PWWP3B: variants seen among roughly 807,000 people sequenced by gnomAD.
PWWP3B encodes the protein PWWP domain containing 3B.
Under a neutral mutation model 15.7 loss-of-function variants are expected in PWWP3B, and 5 were observed. That is an observed-to-expected ratio of 0.32 (90% CI 0.17 to 0.67). The LOEUF (loss-of-function observed/expected upper bound fraction) is 0.67, where lower values mean the gene tolerates loss of function less well. Among genes scored for constraint, PWWP3B ranks in the 30% least tolerant of loss-of-function variants. The pLI, the probability that PWWP3B is intolerant of heterozygous loss-of-function variation, is 0.74. For missense variants in PWWP3B, 519 were observed against 493.1 expected (o/e 1.05, Z -0.50); for synonymous variants, 203 against 179.8 (o/e 1.13, Z -1.03).
At chrX:106,190,173 G>T (rs911033126) in intron 2 of PWWP3B, among the ~76,000 whole-genome samples, 3 of 111,425 alleles carry the variant, frequency 2.7e-5, no homozygotes, top group African/African-American at 9.8e-5. Flanking sequence ...GTGTAAAAGT[G>T]TTCCTATTTC....
At chrX:106,195,786 T>C in intron 2 of PWWP3B, among the ~76,000 whole-genome samples, 1 of 112,142 alleles carries the variant, frequency 8.9e-6, no homozygotes, top group East Asian at 2.8e-4. Flanking sequence ...CCTTTGCTCT[T>C]TCCACATACA....
intron 2 of PWWP3B, among the ~76,000 whole-genome samples, chrX:106,194,491 C>T (rs1923238357): frequency 9.0e-6 from 1 of 111,459 alleles, no homozygotes; most frequent in African/African-American, 3.3e-5. Flanking sequence ...TTTGAATTTC[C>T]TCCTGTAGCT....
intron 2 of PWWP3B, among the ~76,000 whole-genome samples, chrX:106,192,420 A>T (rs1269981786): frequency 1.8e-5 from 2 of 109,102 alleles, no homozygotes; most frequent in African/African-American, 6.7e-5. Flanking sequence ...CATCTATTTG[A>T]TTCTTCTCTC....
chrX:106,171,745 C>T (rs1027599529), intron 2 of PWWP3B, among the ~76,000 whole-genome samples: 3 of 110,269 alleles, frequency 2.7e-5, no homozygotes, highest in Non-Finnish European at 3.8e-5. Context: ...TACCACAAAC[C>T]TGTATACCAT....
At chrX:106,184,996 T>C (rs1466214788) in intron 2 of PWWP3B, among the ~76,000 whole-genome samples, 1 of 111,586 alleles carries the variant, frequency 9.0e-6, no homozygotes, top group Non-Finnish European at 1.9e-5. Flanking sequence ...GCTGAGAGGT[T>C]CTGCTGTGGG....
chrX:106,181,115 C>T (rs778386585), intron 2 of PWWP3B, among the ~76,000 whole-genome samples: 2 of 111,928 alleles, frequency 1.8e-5, no homozygotes, highest in Non-Finnish European at 3.8e-5. Context: ...TGGTTCCTTC[C>T]GATGGGTTCT....
rs1336939944 is a variant in PWWP3B at position 106,207,138 on chromosome X, A to T, written c.1706A>T (p.His569Leu). The part of the protein sequence containing the change: ...FIVNAKGTEN[H>L]LLAIVNGTKG... ...GTGAATGCAAAGGGAACAGAGAACC[A>T]TCTTCTGGCCATTGTAAATGGCACA... The change falls in exon 4 of 4, where the codon CAT becomes CTT. Residue 569 changes from histidine (H) to leucine (L), a missense_variant. Physicochemically the swap from His to Leu is moderately conservative, Grantham distance 99. Transcript: ENST00000357175. The T allele has an allele frequency of 4.1e-6, 5 of 1,204,990 alleles. No homozygotes were observed. The highest frequency in any genetic ancestry group is 5.6e-6 in the Non-Finnish European group (5 of 892,352).
At chrX:106,190,458 G>A (rs1405889600) in intron 2 of PWWP3B, among the ~76,000 whole-genome samples, 5 of 111,372 alleles carry the variant, frequency 4.5e-5, no homozygotes, top group Non-Finnish European at 7.5e-5. Context: ...TTTGTCAGAT[G>A]AGTAGATTGC....
In PWWP3B at chrX:106,207,702, G is replaced by C. The variant is rs1197903295; in HGVS notation, c.*179G>C. 1 of 408,252 alleles carries C rather than the reference G, an allele frequency of 2.4e-6. No homozygotes were observed. The highest frequency in any genetic ancestry group is 4.0e-6 in the Non-Finnish European group (1 of 250,490). 33.6% of individuals were successfully genotyped at this position (408,252 alleles called of 1,213,427 possible). ...TTACATCTTTATTTCCTTTTCTTGC[G>C]CTTCTTCAAAGTTAATTTTGTCAAC... On this transcript the variant is annotated 3_prime_UTR_variant, in exon 4 of 4. Coordinates refer to ENST00000357175, the MANE Select transcript of PWWP3B (RefSeq NM_001171020.2).
Position 106,205,323 on chromosome X carries a change from G to C in PWWP3B, c.-110G>C, listed in dbSNP as rs1602874219. The stretch of plus-strand genomic sequence containing the variant: ...TGTAAACCCTTTGTAGTCATAAGAC[G>C]AAAGAGGATTTGTTAAGAGTATTGT... On this transcript the variant is annotated 5_prime_UTR_variant, in exon 4 of 4. Coordinates refer to ENST00000357175, the MANE Select transcript of PWWP3B (RefSeq NM_001171020.2). 29 of 762,423 alleles carry C rather than the reference G, an allele frequency of 3.8e-5. No individual in the cohort carries two copies. In the South Asian group the frequency reaches 9.3e-4, roughly 24 times the overall value. The allele number at this position is 762,423 out of a possible 1,213,427, so 62.8% of individuals were successfully genotyped here. A position where few individuals can be genotyped will look rare whatever the true frequency, so the allele number is the denominator to read the frequency against.
At chrX:106,198,865 A>G (rs931366375) in intron 2 of PWWP3B, among the ~76,000 whole-genome samples, 4 of 110,797 alleles carry the variant, frequency 3.6e-5, no homozygotes, top group African/African-American at 1.3e-4. Context: ...GTTTTTTTCC[A>G]AACATGTGAA....
rs1179261359 is a variant in PWWP3B, at chrX:106,190,395, GT to G, written c.-400-13583del. Among the ~76,000 whole-genome samples the G allele has an allele frequency of 2.7e-5, 3 of 111,624 alleles. No homozygotes were observed. The East Asian group carries it at 8.5e-4, about 32-fold the overall frequency. ...CGCCGACTTTTTGATGGGGTTGTTT[GT>G]TTTTTTCTTGTAAATTTGTTTGAGT... is the stretch of plus-strand genomic sequence containing the variant. On this transcript the variant is annotated intron_variant, in intron 2 of 3. Coordinates refer to ENST00000357175, the MANE Select transcript of PWWP3B (RefSeq NM_001171020.2).
Position 106,205,497 on chromosome X carries a change from GA to G in PWWP3B, c.66del (p.Arg22SerfsTer16), listed in dbSNP as rs1923941004. The G allele has an allele frequency of 8.4e-7, 1 of 1,197,551 alleles. No homozygotes were observed. Among genetic ancestry groups the G allele is most frequent in the African/African-American group, 1.8e-5 (1 of 56,961 alleles). ...TTGTGGCCAGCAAAAGTTTTGTCCA[GA>G]TCTGAAACTTCATCAAACAGTAAGA... ...DQLWPAKVLS[R>X]SETSSNSKRK... On this transcript the variant is annotated frameshift_variant, in exon 4 of 4. Transcript: ENST00000357175. LOFTEE classifies it low-confidence loss of function (END_TRUNC).
Position 106,206,152 on chromosome X carries a change from G to A in PWWP3B, c.720G>A (p.Leu240=), listed in dbSNP as rs778234688. The stretch of plus-strand genomic sequence containing the variant: ...AAGATGAAAAGTTTGCTCCACCTTT[G>A]TCACCTTTGTCATCAGATATGCTCA... ...CVKDEKFAPP[L]SPLSSDMLIM... Residue 240 remains leucine, a synonymous_variant, in exon 4 of 4, where the codon TTG becomes TTA. Transcript: ENST00000357175. 36 of 1,209,501 alleles carry A rather than the reference G, an allele frequency of 3.0e-5. No individual in the cohort carries two copies. In the South Asian group the frequency reaches 6.2e-4, roughly 21 times the overall value.
intron 2 of PWWP3B, among the ~76,000 whole-genome samples, chrX:106,195,118 T>A (rs1923297929): frequency 8.9e-6 from 1 of 112,109 alleles, no homozygotes; most frequent in Non-Finnish European, 1.9e-5. Flanking sequence ...CAATTACTAA[T>A]GCTGTTGAGC....
intron 2 of PWWP3B, among the ~76,000 whole-genome samples, chrX:106,191,359 T>A (rs1342412632): frequency 9.0e-6 from 1 of 111,332 alleles, no homozygotes; most frequent in African/African-American, 3.3e-5. Context: ...TATTGGTGTA[T>A]AAGAATGCTT....
chrX:106,188,264 C>T (rs184364847), intron 2 of PWWP3B, among the ~76,000 whole-genome samples: 1 of 111,536 alleles, frequency 9.0e-6, no homozygotes, highest in Non-Finnish European at 1.9e-5. Context: ...TGTTTTAAAG[C>T]AATTCAGAAG....
intron 2 of PWWP3B, among the ~76,000 whole-genome samples, chrX:106,196,902 G>T (rs1251927671): frequency 1.8e-5 from 2 of 111,709 alleles, no homozygotes. Context: ...AGTGCTACAA[G>T]ATTTTTTTCA....
chrX:106,203,812 G>A (rs922368868), intron 2 of PWWP3B, among the ~76,000 whole-genome samples, 173 bp from the exon 3 acceptor site: 15 of 111,726 alleles, frequency 1.3e-4, no homozygotes, highest in Admixed American at 4.7e-4. Flanking sequence ...ATCCCAGAGA[G>A]CATTTCAAAT....
Sources: allele counts gnomAD v4.1 joint callset (sites outside exome capture counted in the v4.1 genomes callset), GRCh38; gene constraint gnomAD v4.1.1; transcripts MANE v1.5; gene names NCBI Gene and HGNC (gene_info 2026-07-23, HGNC 2026-07-21).